GABRB1: variants seen among roughly 807,000 people sequenced by gnomAD.
GABRB1 encodes gamma-aminobutyric acid type A receptor subunit beta1, also known as gamma-aminobutyric acid receptor subunit beta-1.
A neutral mutation model predicts 51.6 loss-of-function variants in GABRB1; 17 were observed. The observed-to-expected ratio is 0.33, with a 90% CI of 0.23 to 0.49. GABRB1 has a LOEUF of 0.49. GABRB1 is among the 20% of genes least tolerant of loss of function. The pLI, the probability that GABRB1 is intolerant of heterozygous loss-of-function variation, is 0.99. For missense variants in GABRB1, 410 were observed against 600.6 expected, an observed-to-expected ratio of 0.68 and a Z score of 3.32; for synonymous variants, 247 against 218.9, an observed-to-expected ratio of 1.13 and a Z score of -1.14.
intron 4 of GABRB1, among the ~76,000 whole-genome samples, chr4:47,184,155 C>A (rs530454322): frequency 2.6e-5 from 4 of 152,016 alleles, no homozygotes; most frequent in Non-Finnish European, 5.9e-5. Context: ...GTTTCCATTT[C>A]TGGACATCAG....
intron 3 of GABRB1, among the ~76,000 whole-genome samples, chr4:47,033,771 A>G (rs2109473308): frequency 6.6e-6 from 1 of 152,326 alleles, no homozygotes; most frequent in Non-Finnish European, 1.5e-5. Context: ...TGTATTTTGT[A>G]GTTGTAGCGG....
chr4:47,095,515 T>C (rs1439450157), intron 3 of GABRB1, among the ~76,000 whole-genome samples: 2 of 152,200 alleles, frequency 1.3e-5, no homozygotes, highest in East Asian at 1.9e-4. Context: ...GGCTGGAACA[T>C]GATGGCAACT....
In GABRB1 at chr4:47,064,641, CAAAAAAA is replaced by C. The variant is rs33963952; in HGVS notation, c.240+32173_240+32179del. ...AAATAAGAGCGAGGAGACTCCATCT[CAAAAAAA>C]AAAAAAAAAAAAAAAGAGAAAAGAA... On this transcript the variant is annotated intron_variant, in intron 3 of 8. Transcript: ENST00000295454. Among the ~76,000 whole-genome samples, 46 of 58,234 alleles carry C rather than the reference CAAAAAAA, an allele frequency of 7.9e-4. No individual in the cohort carries two copies. In the South Asian group the frequency reaches 0.013, roughly 16 times the overall value. 38.2% of individuals were successfully genotyped at this position (58,234 alleles called of 152,430 possible).
At chr4:47,132,302 A>G (rs1716450560) in intron 3 of GABRB1, among the ~76,000 whole-genome samples, 1 of 151,994 alleles carries the variant, frequency 6.6e-6, no homozygotes, top group Non-Finnish European at 1.5e-5. Flanking sequence ...AAATATTCTC[A>G]TCTTAGAATT....
chr4:47,067,922 CT>C (rs1485395753), intron 3 of GABRB1, among the ~76,000 whole-genome samples: 3 of 152,076 alleles, frequency 2.0e-5, no homozygotes. Flanking sequence ...TTGTTTACCC[CT>C]ATGTGTCCAT....
At chr4:47,304,901 T>C (rs965723691) in intron 4 of GABRB1, among the ~76,000 whole-genome samples, 1 of 152,132 alleles carries the variant, frequency 6.6e-6, no homozygotes, top group Non-Finnish European at 1.5e-5. Context: ...TCTTGTACCA[T>C]GTGAATACTT....
intron 8 of GABRB1, 32 bp from the exon 9 acceptor site, chr4:47,425,642 C>T: frequency 6.6e-7 from 1 of 1,523,062 alleles, no homozygotes; most frequent in Non-Finnish European, 8.9e-7. Flanking sequence ...GGTCCTGCAA[C>T]TTGTGTCCGA....
intron 3 of GABRB1, among the ~76,000 whole-genome samples, chr4:47,034,294 G>T (rs1451627173): frequency 6.6e-6 from 1 of 151,942 alleles, no homozygotes; most frequent in Non-Finnish European, 1.5e-5. Context: ...AAATAGGGAA[G>T]TTGCTGCAAT....
chr4:47,111,021 C>T (rs966938209), intron 3 of GABRB1, among the ~76,000 whole-genome samples: 1 of 151,950 alleles, frequency 6.6e-6, no homozygotes, highest in East Asian at 1.9e-4. Flanking sequence ...TTTATATGCC[C>T]ATAATAACAA....
At chr4:47,242,125 G>C (rs1389424427) in intron 4 of GABRB1, among the ~76,000 whole-genome samples, 3 of 151,982 alleles carry the variant, frequency 2.0e-5, no homozygotes, top group Non-Finnish European at 4.4e-5. Context: ...CTATGAGTGA[G>C]AACATGCGGT....
intron 8 of GABRB1, among the ~76,000 whole-genome samples, chr4:47,416,337 C>A (rs1160074665): frequency 6.6e-6 from 1 of 152,126 alleles, no homozygotes; most frequent in Non-Finnish European, 1.5e-5. Context: ...GGAAGCAAAC[C>A]ACATGGTGCT....
At chr4:47,005,058 C>T (rs73247618) in intron 1 of GABRB1, among the ~76,000 whole-genome samples, 11,822 of 152,196 alleles carry the variant, frequency 0.078, 536 homozygotes, top group South Asian at 0.16. Flanking sequence ...CCAGACACAC[C>T]TGGCTTTGTG....
chr4:47,372,968 C>T (rs73234508), intron 5 of GABRB1, among the ~76,000 whole-genome samples: 37,797 of 152,084 alleles, frequency 0.25, 5,077 homozygotes, highest in Middle Eastern at 0.37. Context: ...CCTCTTTCTG[C>T]TGGACCCACA....
At chr4:47,168,753 C>A (rs1266880951) in intron 4 of GABRB1, among the ~76,000 whole-genome samples, 1 of 152,068 alleles carries the variant, frequency 6.6e-6, no homozygotes, top group Non-Finnish European at 1.5e-5. Context: ...TAGCAAAGTA[C>A]CACAAACTGG....
chr4:47,244,385 A>G (rs1338230457), intron 4 of GABRB1, among the ~76,000 whole-genome samples: 3 of 152,018 alleles, frequency 2.0e-5, no homozygotes, highest in Admixed American at 2.0e-4. Context: ...TATCAGGATG[A>G]TGCTGGCCTC....
chr4:47,359,843 A>G (rs1246661145), intron 5 of GABRB1, among the ~76,000 whole-genome samples: 1 of 152,034 alleles, frequency 6.6e-6, no homozygotes, highest in Non-Finnish European at 1.5e-5. Context: ...TGGTCAAAAG[A>G]CTCTAACATG....
intron 3 of GABRB1, among the ~76,000 whole-genome samples, chr4:47,068,633 A>G (rs1001134289): frequency 1.2e-4 from 19 of 152,194 alleles, no homozygotes; most frequent in African/African-American, 4.1e-4. Flanking sequence ...AGAACACACA[A>G]AACATTTATC....
chr4:47,359,061 T>C lies in GABRB1; in HGVS notation c.544+38852T>C, dbSNP rs78719149. Among the ~76,000 whole-genome samples the C allele has an allele frequency of 1.4e-4, 21 of 152,192 alleles. No individual in the cohort carries two copies. In the East Asian group the frequency reaches 3.5e-3, roughly 25 times the overall value. On this transcript the variant is annotated intron_variant, in intron 5 of 8. Transcript: ENST00000295454. ...CCACAAGCAATAGGACAAGAACAAGTTGGACTACAATTTCTCGGTACTTAA... is the reference window on the plus strand; with the variant it reads ...CCACAAGCAATAGGACAAGAACAAGCTGGACTACAATTTCTCGGTACTTAA...
In GABRB1 at chr4:47,179,554, C is replaced by A. The variant is rs187854702; in HGVS notation, c.461+18085C>A. 9.3e-4 allele frequency among the ~76,000 whole-genome samples: 141 copies of A among 152,230 alleles called. 1 individual carries two copies. The highest frequency in any genetic ancestry group is 3.3e-3 in the African/African-American group (138 of 41,566). On this transcript the variant is annotated intron_variant, in intron 4 of 8. Coordinates refer to ENST00000295454, the MANE Select transcript of GABRB1 (RefSeq NM_000812.4). The stretch of plus-strand genomic sequence containing the variant: ...ACCCAAATGGGCCATACTTTTAAGT[C>A]ATTTACTTTTACCAACATATATGTT...
Sources: allele counts gnomAD v4.1 joint callset (sites outside exome capture counted in the v4.1 genomes callset), GRCh38; gene constraint gnomAD v4.1.1; transcripts MANE v1.5; gene names NCBI Gene and HGNC (gene_info 2026-07-23, HGNC 2026-07-21).